Variants in GRIK2 observed in about 807,000 individuals in gnomAD.
The protein encoded by GRIK2 is glutamate receptor ionotropic, kainate 2.
Under a neutral mutation model 100.3 loss-of-function variants are expected in GRIK2, and 32 were observed. That is an observed-to-expected ratio of 0.32 (90% CI 0.24 to 0.43). The LOEUF is 0.43. Ranked by LOEUF, GRIK2 falls within the 20% of genes least tolerant of loss-of-function variation. GRIK2 has a pLI of 1.00. For missense variants in GRIK2, 843 were observed against 1,114.9 expected, an observed-to-expected ratio of 0.76 and a Z score of 3.47; for synonymous variants, 417 against 389.4, an observed-to-expected ratio of 1.07 and a Z score of -0.83.
chr6:101,664,568 C>T (rs1769870019), intron 4 of GRIK2, among the ~76,000 whole-genome samples: 1 of 152,216 alleles, frequency 6.6e-6, no homozygotes. Context: ...AAGGTTTTAG[C>T]CTTGGCATGG....
chr6:101,617,748 G>T (rs539143177), intron 2 of GRIK2, among the ~76,000 whole-genome samples: 1 of 151,660 alleles, frequency 6.6e-6, no homozygotes, highest in Non-Finnish European at 1.5e-5. Flanking sequence ...GGGAATGCTT[G>T]TTCAAATTTT....
At chr6:101,805,952 A>G (rs1489916239) in intron 9 of GRIK2, among the ~76,000 whole-genome samples, 1 of 152,000 alleles carries the variant, frequency 6.6e-6, no homozygotes, top group Non-Finnish European at 1.5e-5. Context: ...GGAGATGGGC[A>G]TCCTTTCTAC....
chr6:101,593,474 G>A (rs1173697993), intron 2 of GRIK2, among the ~76,000 whole-genome samples: 5 of 151,912 alleles, frequency 3.3e-5, no homozygotes, highest in Middle Eastern at 6.8e-3. Context: ...CATGAGCTAG[G>A]CAGGACAGGA....
chr6:101,799,637 T>C lies in GRIK2; in HGVS notation c.952-11T>C. ...TATTGACTATAAATTTCCCTTTCCCTTGCTTTTCAGACTGATGCTGCTCTA... is the reference window on the plus strand; with the variant it reads ...TATTGACTATAAATTTCCCTTTCCCCTGCTTTTCAGACTGATGCTGCTCTA... On this transcript the variant is annotated splice_polypyrimidine_tract_variant and intron_variant, in intron 7 of 16. Transcript: ENST00000369134. The C allele has an allele frequency of 6.2e-7, 1 of 1,611,040 alleles. No individual in the cohort carries two copies. Among genetic ancestry groups the C allele is most frequent in the East Asian group, 2.2e-5 (1 of 44,850 alleles).
chr6:101,526,696 A>C (rs1381408684), intron 2 of GRIK2, among the ~76,000 whole-genome samples: 2 of 152,292 alleles, frequency 1.3e-5, no homozygotes, highest in African/African-American at 4.8e-5. Flanking sequence ...AAAGGATATG[A>C]TCACCAGTCA....
chr6:101,772,428 AGATGCCACTGAGTTACTAG>A (rs905649670), intron 7 of GRIK2, among the ~76,000 whole-genome samples: 5 of 152,314 alleles, frequency 3.3e-5, no homozygotes, highest in Admixed American at 2.6e-4. Context: ...TTCCCACTGA[AGATGCCACTGAGTTACTAG>A]GACCATACTC....
chr6:101,558,684 A>G (rs1219176371), intron 2 of GRIK2, among the ~76,000 whole-genome samples: 4 of 67,544 alleles, frequency 5.9e-5, no homozygotes, highest in Non-Finnish European at 1.3e-4. Context: ...TTTTTTTTCT[A>G]TGTTGACTGC....
rs190262566 is a variant in GRIK2, at chr6:101,652,480, T to A, written c.542-24143T>A. Among the ~76,000 whole-genome samples, 10 of 152,262 alleles carry A rather than the reference T, an allele frequency of 6.6e-5. No homozygotes were observed. In the East Asian group the frequency reaches 1.7e-3, roughly 27 times the overall value. ...GTATAAGCCATCCAGTCTATGGTAC[T>A]TTGTTATACCAGCCTGAACTAATTA... On this transcript the variant is annotated intron_variant, in intron 4 of 16. Transcript: ENST00000369134.
chr6:101,699,423 G>A (rs1386269637), intron 7 of GRIK2, among the ~76,000 whole-genome samples: 1 of 152,032 alleles, frequency 6.6e-6, no homozygotes, highest in Non-Finnish European at 1.5e-5. Flanking sequence ...CATAGTGGCT[G>A]AGTTAGGACC....
At position 101,455,766 on chromosome 6, in the gene GRIK2, A is replaced by G. The variant is rs138716201; in HGVS notation, c.115+56374A>G. On this transcript the variant is annotated intron_variant, in intron 2 of 16. Coordinates refer to ENST00000369134, the MANE Select transcript of GRIK2 (RefSeq NM_021956.5). ...ATTAATGTTGAGTCTCTATTTAAAT[A>G]TGTTACAGATTTAGTAATCAGGTTT... Among the ~76,000 whole-genome samples, 283 of 152,224 alleles carry G rather than the reference A, an allele frequency of 1.9e-3. 3 individuals are homozygous for G. Among genetic ancestry groups the G allele is most frequent in the African/African-American group, 6.6e-3 (274 of 41,568 alleles).
rs113430082 is a variant in GRIK2, at chr6:101,531,191, A to G, written c.116-90758A>G. ...AGAAATACGGATCAAGAGCTCTGTCAAGTCCCATCTTTTCCTTTAGTCAAA... is the reference window on the plus strand; with the variant it reads ...AGAAATACGGATCAAGAGCTCTGTCGAGTCCCATCTTTTCCTTTAGTCAAA... On this transcript the variant is annotated intron_variant, in intron 2 of 16. Coordinates refer to ENST00000369134, the MANE Select transcript of GRIK2 (RefSeq NM_021956.5). Among the ~76,000 whole-genome samples the G allele has an allele frequency of 2.6e-3, 390 of 152,086 alleles. 1 individual carries two copies. Among genetic ancestry groups the G allele is most frequent in the African/African-American group, 9.0e-3 (373 of 41,538 alleles).
At chr6:101,466,382 A>T (rs1245434697) in intron 2 of GRIK2, among the ~76,000 whole-genome samples, 2 of 151,630 alleles carry the variant, frequency 1.3e-5, no homozygotes, top group Admixed American at 6.6e-5. Context: ...TAATATTGTT[A>T]TATTACTATT....
At chr6:101,714,101 C>T (rs778352605) in intron 7 of GRIK2, among the ~76,000 whole-genome samples, 1 of 151,634 alleles carries the variant, frequency 6.6e-6, no homozygotes, top group Non-Finnish European at 1.5e-5. Context: ...GTAACATATG[C>T]ATTTATTATT....
At chr6:101,819,107 A>G (rs975205642) in intron 10 of GRIK2, among the ~76,000 whole-genome samples, 2 of 152,152 alleles carry the variant, frequency 1.3e-5, no homozygotes, top group African/African-American at 4.8e-5. Flanking sequence ...TAATTAGATC[A>G]CACAGTAATG....
At chr6:101,789,555 A>G (rs545868874) in intron 7 of GRIK2, among the ~76,000 whole-genome samples, 25 of 152,162 alleles carry the variant, frequency 1.6e-4, no homozygotes, top group African/African-American at 6.0e-4. Flanking sequence ...GTTCTGTTCC[A>G]TTGATCTGTA....
At chr6:101,945,149 T>C (rs1303969123) in intron 14 of GRIK2, among the ~76,000 whole-genome samples, 3 of 152,154 alleles carry the variant, frequency 2.0e-5, no homozygotes, top group African/African-American at 7.2e-5. Flanking sequence ...AACTTGGGTA[T>C]ATGGAACTAG....
chr6:101,919,365 A>G (rs1045616613), intron 12 of GRIK2, among the ~76,000 whole-genome samples: 1 of 151,866 alleles, frequency 6.6e-6, no homozygotes, highest in Non-Finnish European at 1.5e-5. Flanking sequence ...TCTTAAGCAT[A>G]GTTTGTATTT....
chr6:101,518,627 C>G (rs1242699811), intron 2 of GRIK2, among the ~76,000 whole-genome samples: 1 of 152,088 alleles, frequency 6.6e-6, no homozygotes, highest in African/African-American at 2.4e-5. Flanking sequence ...TTGAAATGAT[C>G]TGGGAAAAAG....
At chr6:101,559,772 T>TCA (rs1323472171) in intron 2 of GRIK2, among the ~76,000 whole-genome samples, 2 of 152,080 alleles carry the variant, frequency 1.3e-5, no homozygotes, top group Non-Finnish European at 2.9e-5. Context: ...GATTTAGCTG[T>TCA]CACACACACC....
Sources: allele counts gnomAD v4.1 joint callset (sites outside exome capture counted in the v4.1 genomes callset), GRCh38; gene constraint gnomAD v4.1.1; transcripts MANE v1.5; gene names NCBI Gene and HGNC (gene_info 2026-07-23, HGNC 2026-07-21).